The following DYNLT5 variants were observed in gnomAD, a reference collection of about 807,000 sequenced individuals.
DYNLT5 encodes dynein light chain Tctex-type 5.
DYNLT5 carries 25 observed loss-of-function variants against 19.3 expected under a neutral mutation model. The ratio of observed to expected loss-of-function variants is 1.30; its 90% CI spans 0.95 to 1.81. The LOEUF (loss-of-function observed/expected upper bound fraction) is 1.81, where lower values mean the gene tolerates loss of function less well. Ranked by LOEUF, DYNLT5 falls within the 40% of genes most tolerant of loss-of-function variation. DYNLT5 has a pLI of 0.00. For synonymous variants in DYNLT5, 82 were observed against 68.9 expected (o/e 1.19, Z -0.94); for missense variants, 232 against 217.9 (o/e 1.06, Z -0.41).
chr1:66,768,504 C>T (rs1378572507), intron 2 of DYNLT5, among the ~76,000 whole-genome samples: 1 of 152,186 alleles, frequency 6.6e-6, no homozygotes, highest in Non-Finnish European at 1.5e-5. Context: ...CACCAATCTT[C>T]AACCAGTGGG....
At position 66,752,539 on chromosome 1, in the gene DYNLT5, A is replaced by G; in HGVS notation, c.-49A>G. The G allele has an allele frequency of 1.0e-6, 1 of 985,590 alleles. No individual in the cohort carries two copies. The highest frequency in any genetic ancestry group is 1.2e-6 in the Non-Finnish European group (1 of 830,044). The allele number at this position is 985,590 out of a possible 1,614,324, so 61.1% of individuals were successfully genotyped here. On this transcript the variant is annotated 5_prime_UTR_variant, in exon 1 of 5. Transcript: ENST00000282670. ...GAGCCGCGCCGCGCGCAGTGTCTGC[A>G]GTGCCGGAGGTCTGGGAGGCTCCGG...
intron 2 of DYNLT5, among the ~76,000 whole-genome samples, chr1:66,768,286 AT>A (rs1422527798): frequency 6.6e-6 from 1 of 152,178 alleles, no homozygotes; most frequent in Non-Finnish European, 1.5e-5. Flanking sequence ...GTCTGAAATG[AT>A]TTTTGTTAAT....
At chr1:66,772,369 G>A (rs147542292) in intron 3 of DYNLT5, among the ~76,000 whole-genome samples, 53 of 152,274 alleles carry the variant, frequency 3.5e-4, no homozygotes, top group Middle Eastern at 3.4e-3. Context: ...GCTCTCATGT[G>A]AACTAATAGA....
At chr1:66,767,148 A>T (rs1019141671) in intron 2 of DYNLT5, among the ~76,000 whole-genome samples, 1 of 100,800 alleles carries the variant, frequency 9.9e-6, no homozygotes, top group African/African-American at 4.8e-5. Context: ...TAATAGTTTA[A>T]AAAAAAAAAA....
At chr1:66,767,083 C>A (rs1345772914) in intron 2 of DYNLT5, among the ~76,000 whole-genome samples, 2 of 151,936 alleles carry the variant, frequency 1.3e-5, no homozygotes, top group Non-Finnish European at 2.9e-5. Flanking sequence ...AACAAACTCC[C>A]GTGACACAAG....
At chr1:66,769,768 T>C (rs1645192692) in intron 2 of DYNLT5, among the ~76,000 whole-genome samples, 1 of 152,168 alleles carries the variant, frequency 6.6e-6, no homozygotes, top group African/African-American at 2.4e-5. Flanking sequence ...TCATATTGCC[T>C]TGATAACGAA....
chr1:66,770,233 G>A (rs529038537), intron 2 of DYNLT5, among the ~76,000 whole-genome samples, 154 bp from the exon 3 acceptor site: 1 of 152,162 alleles, frequency 6.6e-6, no homozygotes, highest in South Asian at 2.1e-4. Context: ...AAAATGTTTT[G>A]GACTTTCAAT....
At chr1:66,752,749 G>C (rs978957638) in intron 1 of DYNLT5, among the ~76,000 whole-genome samples, 165 bp downstream of exon 1, 1 of 152,228 alleles carries the variant, frequency 6.6e-6, no homozygotes, top group Non-Finnish European at 1.5e-5. Context: ...TTTGGGAACT[G>C]AAAGTCGGTC....
At chr1:66,754,618 T>C in intron 1 of DYNLT5, 38 bp from the exon 2 acceptor site, 1 of 1,566,398 alleles carries the variant, frequency 6.4e-7, no homozygotes, top group Non-Finnish European at 8.6e-7. Context: ...TGTTTCCGGA[T>C]CTTTCTTTTG....
chr1:66,760,448 G>A (rs988836371), intron 2 of DYNLT5, among the ~76,000 whole-genome samples: 20 of 152,236 alleles, frequency 1.3e-4, no homozygotes, highest in African/African-American at 4.3e-4. Flanking sequence ...AACAAGTTAG[G>A]TTCACAGGTC....
chr1:66,773,082 T>C (rs1304072140), intron 3 of DYNLT5, among the ~76,000 whole-genome samples: 1 of 152,222 alleles, frequency 6.6e-6, no homozygotes, highest in Non-Finnish European at 1.5e-5. Context: ...GACCTTACTA[T>C]AGATCACTAA....
At chr1:66,773,594 T>C (rs965017793) in intron 3 of DYNLT5, among the ~76,000 whole-genome samples, 1 of 152,204 alleles carries the variant, frequency 6.6e-6, no homozygotes, top group Admixed American at 6.5e-5. Flanking sequence ...GAGTGTTTTA[T>C]TGTGTGACAA....
chr1:66,765,850 T>C (rs1314728241), intron 2 of DYNLT5, among the ~76,000 whole-genome samples: 1 of 152,200 alleles, frequency 6.6e-6, no homozygotes, highest in Non-Finnish European at 1.5e-5. Context: ...TGGATTAGCA[T>C]GGTGCATTTC....
At chr1:66,757,804 G>GA (rs1553201146) in intron 2 of DYNLT5, among the ~76,000 whole-genome samples, 2 of 151,772 alleles carry the variant, frequency 1.3e-5, no homozygotes, top group Non-Finnish European at 2.9e-5. Flanking sequence ...AAGGGGAACA[G>GA]TTTTTTTTGC....
intron 1 of DYNLT5, among the ~76,000 whole-genome samples, chr1:66,754,417 T>A (rs1572541386): frequency 1.3e-5 from 2 of 152,254 alleles, no homozygotes; most frequent in African/African-American, 4.8e-5. Flanking sequence ...TATAGCTTAA[T>A]ATCTGCTTAT....
At chr1:66,760,824 T>A (rs2094644832) in intron 2 of DYNLT5, among the ~76,000 whole-genome samples, 1 of 152,216 alleles carries the variant, frequency 6.6e-6, no homozygotes, top group Admixed American at 6.5e-5. Flanking sequence ...TCACCTCCCT[T>A]GCTCTTGGAT....
At position 66,778,830 on chromosome 1, in the gene DYNLT5, T is replaced by C. The variant is rs185062414; in HGVS notation, c.*1376T>C. 10 of 152,208 alleles carry C rather than the reference T, an allele frequency of 6.6e-5. No individual in the cohort carries two copies. In the East Asian group the frequency reaches 1.9e-3, roughly 29 times the overall value. The allele number at this position is 152,208 out of a possible 1,614,324, so 9.4% of individuals were successfully genotyped here. On this transcript the variant is annotated 3_prime_UTR_variant, in exon 5 of 5. Transcript: ENST00000282670. ...TTTTTTTTTTCTGTTAGTGCATTAG[T>C]GGGAATATGTCTATGTAATAATTTA...
At chr1:66,775,940 C>A (rs141756053) in intron 3 of DYNLT5, among the ~76,000 whole-genome samples, 1 of 151,984 alleles carries the variant, frequency 6.6e-6, no homozygotes, top group Admixed American at 6.6e-5. Context: ...TAGATTGGAG[C>A]GGGAGATATA....
chr1:66,757,790 T>G (rs1236852485), intron 2 of DYNLT5, among the ~76,000 whole-genome samples: 1 of 152,050 alleles, frequency 6.6e-6, no homozygotes, highest in Non-Finnish European at 1.5e-5. Context: ...GTGAAAAAAA[T>G]CAAAAGGGGA....
Sources: gnomAD v4.1 joint callset for allele counts (sites outside exome capture counted in the v4.1 genomes callset) on GRCh38, gnomAD v4.1.1 for gene constraint, MANE v1.5 for transcripts, NCBI Gene and HGNC (gene_info 2026-07-23, HGNC 2026-07-21) for gene names.